Variants in KAZN observed in about 807,000 individuals in gnomAD.
KAZN encodes the protein kazrin.
Under a neutral mutation model 87.4 loss-of-function variants are expected in KAZN, and 40 were observed. The observed-to-expected ratio is 0.46, with a 90% confidence interval of 0.36 to 0.60. The LOEUF is 0.60. Among genes scored for constraint, KAZN ranks in the 20% least tolerant of loss-of-function variants. The pLI is 0.00. For missense variants in KAZN, 898 were observed against 1,073.9 expected, an observed-to-expected ratio of 0.84 and a Z score of 2.29; for synonymous variants, 466 against 458.3, an observed-to-expected ratio of 1.02 and a Z score of -0.22.
intron 8 of KAZN, among the ~76,000 whole-genome samples, chr1:15,080,387 G>A (rs762658791): frequency 6.6e-6 from 1 of 152,138 alleles, no homozygotes; most frequent in East Asian, 1.9e-4. Flanking sequence ...TGGCCCTGGG[G>A]TCAGGGGTGG....
chr1:14,235,695 G>C (rs373346859), intron 2 of KAZN, among the ~76,000 whole-genome samples: 1 of 152,188 alleles, frequency 6.6e-6, no homozygotes, highest in Non-Finnish European at 1.5e-5. Context: ...TTCTAAGACT[G>C]AAGAATTGGA....
intron 1 of KAZN, among the ~76,000 whole-genome samples, chr1:14,795,217 C>T (rs1355566755): frequency 6.6e-6 from 1 of 152,092 alleles, no homozygotes; most frequent in African/African-American, 2.4e-5. Context: ...TTCATGTATT[C>T]ATCTATCCTA....
chr1:13,954,676 A>C (rs943091120), intron 1 of KAZN, among the ~76,000 whole-genome samples: 2 of 152,214 alleles, frequency 1.3e-5, no homozygotes, highest in African/African-American at 4.8e-5. Flanking sequence ...CTAAAAGAAA[A>C]GCAAGCATTC....
At chr1:14,725,466 T>C (rs1383872314) in intron 1 of KAZN, among the ~76,000 whole-genome samples, 1 of 152,058 alleles carries the variant, frequency 6.6e-6, no homozygotes, top group Non-Finnish European at 1.5e-5. Context: ...CTGTCTTTTT[T>C]TTTTTTTCTT....
intron 1 of KAZN, among the ~76,000 whole-genome samples, chr1:14,817,555 A>T (rs1165884274): frequency 6.6e-6 from 1 of 152,238 alleles, no homozygotes; most frequent in Non-Finnish European, 1.5e-5. Flanking sequence ...CTAAAACAAT[A>T]GTTGGCACAT....
chr1:14,484,547 G>T (rs80301609), intron 2 of KAZN, among the ~76,000 whole-genome samples: 1 of 152,196 alleles, frequency 6.6e-6, no homozygotes, highest in Non-Finnish European at 1.5e-5. Context: ...ACTTCATCTT[G>T]TATCAGTTAT....
At chr1:14,450,544 C>T (rs7550486) in intron 2 of KAZN, among the ~76,000 whole-genome samples, 70,421 of 151,912 alleles carry the variant, frequency 0.46, 16,829 homozygotes, top group Middle Eastern at 0.62. Flanking sequence ...GAGTGGAGAT[C>T]ATGCCATTGC....
intron 1 of KAZN, among the ~76,000 whole-genome samples, chr1:14,850,203 G>C (rs1437646864): frequency 6.6e-6 from 1 of 152,054 alleles, no homozygotes; most frequent in African/African-American, 2.4e-5. Flanking sequence ...CAAAGTGCTG[G>C]GATTATAGGC....
At chr1:14,909,780 T>C (rs1657038026) in intron 1 of KAZN, among the ~76,000 whole-genome samples, 1 of 152,184 alleles carries the variant, frequency 6.6e-6, no homozygotes, top group Admixed American at 6.5e-5. Flanking sequence ...GCTTGGTGCT[T>C]ATGCCTGTTT....
chr1:14,349,142 G>A (rs1658333106), intron 2 of KAZN: 1 of 152,252 alleles, frequency 6.6e-6, no homozygotes, highest in Non-Finnish European at 1.5e-5. Context: ...CAGTACACAG[G>A]ATCAAAGGCC....
chr1:14,661,485 T>G (rs1347726020), intron 1 of KAZN, among the ~76,000 whole-genome samples: 2 of 152,136 alleles, frequency 1.3e-5, no homozygotes, highest in African/African-American at 4.8e-5. Flanking sequence ...AACTCTGCTG[T>G]TGTAACAGGA....
At chr1:14,852,176 T>A (rs1649527852) in intron 1 of KAZN, among the ~76,000 whole-genome samples, 1 of 152,052 alleles carries the variant, frequency 6.6e-6, no homozygotes, top group Non-Finnish European at 1.5e-5. Context: ...CCCTACCATC[T>A]CCCTCCACCT....
At chr1:14,762,733 A>G (rs1644776044) in intron 1 of KAZN, among the ~76,000 whole-genome samples, 1 of 152,000 alleles carries the variant, frequency 6.6e-6, no homozygotes, top group African/African-American at 2.4e-5. Context: ...TCAAAAAAAA[A>G]AAAAGAAAGA....
chr1:14,835,144 C>T (rs955612583), intron 1 of KAZN, among the ~76,000 whole-genome samples: 1 of 152,198 alleles, frequency 6.6e-6, no homozygotes, highest in African/African-American at 2.4e-5. Context: ...GATCCCTCCC[C>T]GAGAGGTATT....
intron 1 of KAZN, among the ~76,000 whole-genome samples, chr1:14,682,048 A>G (rs1640694156): frequency 2.0e-5 from 3 of 151,940 alleles, no homozygotes; most frequent in Non-Finnish European, 2.9e-5. Flanking sequence ...TTGTTGCGCA[A>G]CCATCATCAC....
chr1:14,960,739 G>A lies in KAZN; in HGVS notation c.282G>A (p.Gln94=). 1 of 1,593,598 alleles carries A rather than the reference G, an allele frequency of 6.3e-7. No individual in the cohort carries two copies. Among genetic ancestry groups the A allele is most frequent in the Non-Finnish European group, 8.6e-7 (1 of 1,169,564 alleles). Residue 94 remains glutamine, a synonymous_variant, in exon 2 of 15, where the codon CAG becomes CAA. Coordinates refer to ENST00000376030, the MANE Select transcript of KAZN (RefSeq NM_201628.3). The part of the protein sequence containing the change: ...RLQEEVHLLR[Q]MKEMLAKDLE... ...AGGAGGAAGTTCACCTTCTCCGGCA[G>A]ATGAAGGAGATGTTGGCGAAGGACC...
chr1:14,395,058 C>G (rs1184106755), intron 2 of KAZN, among the ~76,000 whole-genome samples: 1 of 151,708 alleles, frequency 6.6e-6, no homozygotes, highest in Admixed American at 6.6e-5. Context: ...CAGAATAGGC[C>G]CTACTGGGGC....
intron 1 of KAZN, among the ~76,000 whole-genome samples, chr1:14,799,149 C>T (rs1645926802): frequency 6.6e-6 from 1 of 152,188 alleles, no homozygotes; most frequent in African/African-American, 2.4e-5. Context: ...AAACTGCTGA[C>T]ATTTGTGGCA....
chr1:14,747,227 G>A (rs1411375249), intron 1 of KAZN, among the ~76,000 whole-genome samples: 3 of 152,140 alleles, frequency 2.0e-5, no homozygotes, highest in Non-Finnish European at 2.9e-5. Context: ...TAGATAGTTA[G>A]ATGGATACAT....
Sources: gnomAD v4.1 joint callset for allele counts (sites outside exome capture counted in the v4.1 genomes callset) on GRCh38, gnomAD v4.1.1 for gene constraint, MANE v1.5 for transcripts, NCBI Gene and HGNC (gene_info 2026-07-23, HGNC 2026-07-21) for gene names.